The following PCMTD1 variants were observed in gnomAD, a reference collection of about 807,000 sequenced individuals.
PCMTD1 encodes the protein protein-L-isoaspartate O-methyltransferase domain-containing protein 1.
PCMTD1 carries 12 observed loss-of-function variants against 37.6 expected under a neutral mutation model. The ratio of observed to expected loss-of-function variants is 0.32; its 90% CI spans 0.20 to 0.52. PCMTD1 has a LOEUF of 0.52. PCMTD1 is among the 20% of genes least tolerant of loss of function. The probability of loss-of-function intolerance (pLI) is 0.97; values close to 1 mark genes in which losing one functional copy is unlikely to be tolerated. For missense variants in PCMTD1, 235 were observed against 421.3 expected (o/e 0.56, Z 3.87); for synonymous variants, 117 against 135.8 (o/e 0.86, Z 0.96).
intron 1 of PCMTD1, among the ~76,000 whole-genome samples, chr8:51,893,703 T>C (rs2038965006): frequency 2.0e-5 from 3 of 152,182 alleles, no homozygotes; most frequent in Admixed American, 6.5e-5. Context: ...TTGTCTTAAA[T>C]AAACAATATA....
At chr8:51,897,457 T>A (rs1373909431) in intron 1 of PCMTD1, among the ~76,000 whole-genome samples, 1 of 152,116 alleles carries the variant, frequency 6.6e-6, no homozygotes, top group Non-Finnish European at 1.5e-5. Context: ...AGCTACTTCA[T>A]GTTAAAGAAA....
chr8:51,888,457 C>T (rs560560892), intron 1 of PCMTD1, among the ~76,000 whole-genome samples: 1 of 152,052 alleles, frequency 6.6e-6, no homozygotes, highest in Admixed American at 6.6e-5. Context: ...ACCTGATTTT[C>T]GTAATGCTCC....
intron 5 of PCMTD1, among the ~76,000 whole-genome samples, chr8:51,826,027 G>A (rs1223728147): frequency 6.6e-6 from 1 of 152,044 alleles, no homozygotes; most frequent in East Asian, 1.9e-4. Flanking sequence ...TATACCCAAA[G>A]GATTATAAAT....
intron 3 of PCMTD1, chr8:51,839,709 T>G: frequency 2.9e-6 from 2 of 701,014 alleles, no homozygotes; most frequent in Non-Finnish European, 3.5e-6. Context: ...GCACACCTAG[T>G]TTATCACGTG....
At chr8:51,886,619 C>G (rs2038868151) in intron 1 of PCMTD1, among the ~76,000 whole-genome samples, 1 of 152,174 alleles carries the variant, frequency 6.6e-6, no homozygotes, top group Non-Finnish European at 1.5e-5. Flanking sequence ...CAATGCCACC[C>G]CCATTTAAAC....
At chr8:51,865,669 AGATAC>A (rs2038544423) in intron 1 of PCMTD1, among the ~76,000 whole-genome samples, 3 of 152,100 alleles carry the variant, frequency 2.0e-5, no homozygotes, top group Admixed American at 6.5e-5. Context: ...CACAGAGGGA[AGATAC>A]CTCAACATAA....
rs1049343931 is a variant in PCMTD1 at position 51,898,965 on chromosome 8, A to G, written c.-131T>C. 27 of 1,485,948 alleles carry G rather than the reference A, an allele frequency of 1.8e-5. No individual in the cohort carries two copies. Among genetic ancestry groups the G allele is most frequent in the Non-Finnish European group, 2.1e-5 (24 of 1,123,654 alleles). The allele number at this position is 1,485,948 out of a possible 1,614,324, so 92.0% of individuals were successfully genotyped here. On this transcript the variant is annotated 5_prime_UTR_variant, in exon 1 of 6. Coordinates refer to ENST00000522514, the MANE Select transcript of PCMTD1 (RefSeq NM_052937.4). ...GGCAGCGGCGCGCAGGCCAGGCGCT[A>G]GGACTCGGCGGGGTCCGCAGCAGCC...
intron 1 of PCMTD1, among the ~76,000 whole-genome samples, chr8:51,861,976 A>G (rs1223603119): frequency 2.0e-5 from 3 of 152,128 alleles, no homozygotes; most frequent in African/African-American, 7.2e-5. Flanking sequence ...GGCCGCACAA[A>G]GTGCTGGGAT....
At chr8:51,861,393 T>C (rs911647358) in intron 1 of PCMTD1, 147 bp from the exon 2 acceptor site, 12 of 542,024 alleles carry the variant, frequency 2.2e-5, no homozygotes, top group African/African-American at 7.6e-5. Context: ...TTCTTAACTA[T>C]ATTATTTTAT....
intron 5 of PCMTD1, among the ~76,000 whole-genome samples, chr8:51,827,965 T>C (rs922213460): frequency 8.2e-6 from 1 of 121,484 alleles, no homozygotes; most frequent in Non-Finnish European, 2.0e-5. Context: ...AAAATGCAAG[T>C]TGTGCATTCA....
At position 51,825,647 on chromosome 8, in the gene PCMTD1, T is replaced by C. The variant is rs1334059555; in HGVS notation, c.707-4929A>G. On this transcript the variant is annotated intron_variant, in intron 5 of 5. Coordinates refer to ENST00000522514, the MANE Select transcript of PCMTD1 (RefSeq NM_052937.4). ...AAGCGGAGCTTGCAGTGAGCCGAGATTGCGCCACTGCAGTCCGCAGTCCGG... is the reference window on the plus strand; with the variant it reads ...AAGCGGAGCTTGCAGTGAGCCGAGACTGCGCCACTGCAGTCCGCAGTCCGG... Among the ~76,000 whole-genome samples, 3 of 27,758 alleles carry C rather than the reference T, an allele frequency of 1.1e-4. 1 individual carries two copies. The highest frequency in any genetic ancestry group is 1.6e-3 in the Non-Finnish European group (2 of 1,276). The allele number at this position is 27,758 out of a possible 152,430, so 18.2% of individuals were successfully genotyped here.
intron 5 of PCMTD1, among the ~76,000 whole-genome samples, chr8:51,824,611 G>C (rs1041496481): frequency 6.6e-6 from 1 of 152,106 alleles, no homozygotes; most frequent in East Asian, 1.9e-4. Context: ...CATGAAAATG[G>C]CCATACTGTC....
At chr8:51,885,307 G>A (rs1237491901) in intron 1 of PCMTD1, among the ~76,000 whole-genome samples, 1 of 152,160 alleles carries the variant, frequency 6.6e-6, no homozygotes, top group Non-Finnish European at 1.5e-5. Flanking sequence ...TTAAACACCT[G>A]TCACCACATT....
At chr8:51,831,420 C>T in intron 5 of PCMTD1, 24 bp downstream of exon 5, 1 of 1,607,062 alleles carries the variant, frequency 6.2e-7, no homozygotes, top group Non-Finnish European at 8.5e-7. Flanking sequence ...ATAATTCAAT[C>T]AGAAAATATG....
chr8:51,835,777 G>A (rs1448938543), intron 3 of PCMTD1, among the ~76,000 whole-genome samples: 1 of 151,986 alleles, frequency 6.6e-6, no homozygotes, highest in Non-Finnish European at 1.5e-5. Context: ...AAAAATATGT[G>A]GTAGCTTACA....
At position 51,842,268 on chromosome 8, in the gene PCMTD1, T is replaced by C. The variant is rs562497572; in HGVS notation, c.410+3393A>G. Among the ~76,000 whole-genome samples, 5 of 151,640 alleles carry C rather than the reference T, an allele frequency of 3.3e-5. No homozygotes were observed. The South Asian group carries it at 1.0e-3, about 31-fold the overall frequency. ...AAAGTTTAAAAGTACTTACAATACT[T>C]TTTTTTAAAGAAAGAATACTACTTT... On this transcript the variant is annotated intron_variant, in intron 3 of 5. Transcript: ENST00000522514.
intron 2 of PCMTD1, among the ~76,000 whole-genome samples, chr8:51,851,391 G>A (rs997462541): frequency 6.6e-6 from 1 of 152,122 alleles, no homozygotes. Context: ...TGGAACCAAG[G>A]CCCTAAGTAA....
intron 1 of PCMTD1, among the ~76,000 whole-genome samples, chr8:51,872,137 T>C (rs2038648453): frequency 6.6e-6 from 1 of 152,180 alleles, no homozygotes; most frequent in Admixed American, 6.5e-5. Context: ...GGACAAGATA[T>C]GAGGTTCATC....
intron 1 of PCMTD1, among the ~76,000 whole-genome samples, chr8:51,873,670 T>C (rs1226599778): frequency 1.3e-5 from 2 of 152,176 alleles, no homozygotes; most frequent in East Asian, 1.9e-4. Flanking sequence ...TGAGTTCTCC[T>C]GCGATACGGT....
Sources: allele counts gnomAD v4.1 joint callset (sites outside exome capture counted in the v4.1 genomes callset), GRCh38; gene constraint gnomAD v4.1.1; transcripts MANE v1.5; gene names NCBI Gene and HGNC (gene_info 2026-07-23, HGNC 2026-07-21).